The following PGBD2 variants were observed in gnomAD, a reference collection of about 807,000 sequenced individuals.
PGBD2 encodes the protein piggyBac transposable element-derived protein 2.
In PGBD2, 6 loss-of-function variants were observed where a neutral mutation model predicts 8.1. The observed-to-expected ratio is 0.74, with a 90% CI of 0.40 to 1.46. The LOEUF is 1.46. Ranked by LOEUF, PGBD2 falls within the 40% of genes most tolerant of loss-of-function variation. PGBD2 has a pLI of 0.02. For missense variants in PGBD2, 802 were observed against 739.0 expected (o/e 1.09, Z -0.99); for synonymous variants, 318 against 272.2 (o/e 1.17, Z -1.66).
rs1363217857 is a variant in PGBD2, at chr1:248,916,619, G to A, written c.35G>A (p.Arg12Lys). ...CATAACAGAGATGTCATTGCTGGGA[G>A]AGGTATCCACTCAAAGGTGAAGTCT... ...ASTSRDVIAG[R>K]GIHSKVKSAK... Residue 12 changes from arginine to lysine, a missense_variant, in exon 3 of 3, where the codon AGA (arginine) becomes AAA (lysine). Physicochemically the swap from Arg to Lys is conservative, Grantham distance 26. Transcript: ENST00000329291. 6.2e-7 allele frequency: 1 copy of A among 1,614,110 alleles called. No homozygotes were observed. Among genetic ancestry groups the A allele is most frequent in the East Asian group, 2.2e-5 (1 of 44,882 alleles).
chr1:248,921,792 G>A (rs1218429429), downstream of PGBD2, among the ~76,000 whole-genome samples: 1 of 152,134 alleles, frequency 6.6e-6, no homozygotes, highest in African/African-American at 2.4e-5. Flanking sequence ...CCATTTGTTT[G>A]TGTCCTCTCT....
intron 1 of PGBD2, among the ~76,000 whole-genome samples, chr1:248,908,478 C>T (rs1462442227): frequency 2.0e-5 from 3 of 152,194 alleles, no homozygotes; most frequent in African/African-American, 7.2e-5. Flanking sequence ...TGCCCTACCC[C>T]CTCAACCAAT....
intron 2 of PGBD2, among the ~76,000 whole-genome samples, chr1:248,915,298 C>T (rs1572278541): frequency 6.6e-6 from 1 of 152,200 alleles, no homozygotes; most frequent in African/African-American, 2.4e-5. Flanking sequence ...TCCCACTTAG[C>T]GTGGTTCAAC....
the PGBD2 span, among the ~76,000 whole-genome samples, chr1:248,874,139 GCAT>G: frequency 6.6e-6 from 1 of 152,168 alleles, no homozygotes; most frequent in Non-Finnish European, 1.5e-5. Context: ...GAAGCAGTCT[GCAT>G]ATTCCCAAAT....
At chr1:248,919,268 T>C (rs1662233517), downstream of PGBD2, 1 of 167,050 alleles carries the variant, frequency 6.0e-6, no homozygotes, top group African/African-American at 2.4e-5. Flanking sequence ...GTAACCTTCT[T>C]TCCACTCTGT....
chr1:248,898,422 G>A, the PGBD2 span, among the ~76,000 whole-genome samples: 1 of 152,174 alleles, frequency 6.6e-6, no homozygotes, highest in Non-Finnish European at 1.5e-5. Flanking sequence ...CCAAAGTGCT[G>A]GGATTACAGG....
chr1:248,924,437 A>T (rs780083268), downstream of PGBD2, among the ~76,000 whole-genome samples: 2 of 152,018 alleles, frequency 1.3e-5, no homozygotes, highest in East Asian at 1.9e-4. Flanking sequence ...ATTTTGCCAA[A>T]TTTTTTTTCA....
the PGBD2 span, among the ~76,000 whole-genome samples, chr1:248,883,153 C>T: frequency 0.035 from 5,274 of 152,240 alleles, 302 homozygotes; most frequent in African/African-American, 0.12. Context: ...GACAGAGTTT[C>T]ACTCCTGTTG....
At chr1:248,920,482 T>C (rs1203666901), downstream of PGBD2, among the ~76,000 whole-genome samples, 2 of 152,076 alleles carry the variant, frequency 1.3e-5, no homozygotes, top group Non-Finnish European at 2.9e-5. Context: ...GAACTCATCC[T>C]TTTTTTATGG....
At position 248,918,251 on chromosome 1, in the gene PGBD2, A is replaced by G; in HGVS notation, c.1667A>G (p.His556Arg). The G allele has an allele frequency of 1.2e-6, 2 of 1,613,940 alleles. No individual in the cohort carries two copies. Among genetic ancestry groups the G allele is most frequent in the Non-Finnish European group, 1.7e-6 (2 of 1,179,866 alleles). ...RFDMIGHWII[H>R]QDKRTRCALC... ...GATATGATTGGGCACTGGATTATCC[A>G]TCAGGACAAGAGGACCCGGTGTGCC... Residue 556 changes from histidine to arginine, a missense_variant, in exon 3 of 3, where the codon CAT (histidine) becomes CGT (arginine). His to Arg is a conservative substitution (Grantham distance 29, BLOSUM62 0). Transcript: ENST00000329291.
chr1:248,914,427 T>C (rs778944695), intron 2 of PGBD2: 82 of 1,253,808 alleles, frequency 6.5e-5, no homozygotes, highest in Non-Finnish European at 8.2e-5. Flanking sequence ...TCTCTTTTTC[T>C]GGCCCATGCA....
chr1:248,894,285 T>G, the PGBD2 span, among the ~76,000 whole-genome samples: 1 of 152,132 alleles, frequency 6.6e-6, no homozygotes, highest in South Asian at 2.1e-4. Context: ...GGGTTTTTTT[T>G]GTGGTTTTTT....
In PGBD2 at chr1:248,917,703, T is replaced by A. The variant is rs1418793078; in HGVS notation, c.1119T>A (p.Thr373=). 1 of 1,614,208 alleles carries A rather than the reference T, an allele frequency of 6.2e-7. No homozygotes were observed. The highest frequency in any genetic ancestry group is 1.1e-5 in the South Asian group (1 of 91,090). The change falls in exon 3 of 3, where the codon ACT becomes ACA. Residue 373 remains threonine, a synonymous_variant. Transcript: ENST00000329291. ...AAAAGGGGGTGAAAGCCACAGGAAC[T>A]GTTCGTGAGTACAGGACTGAGCGAT... ...LRKKGVKATG[T]VREYRTERCP...
the PGBD2 span, among the ~76,000 whole-genome samples, chr1:248,880,844 T>G: frequency 6.6e-6 from 1 of 152,208 alleles, no homozygotes; most frequent in Non-Finnish European, 1.5e-5. Flanking sequence ...GGGCTTGTGT[T>G]TTTATCTATA....
At chr1:248,907,847 C>T (rs1442979400) in intron 1 of PGBD2, among the ~76,000 whole-genome samples, 2 of 152,216 alleles carry the variant, frequency 1.3e-5, no homozygotes, top group East Asian at 3.8e-4. Flanking sequence ...AATGGAATTT[C>T]TTATGTCTTC....
At chr1:248,916,477 G>C (rs572383689) in intron 2 of PGBD2, 125 bp from the exon 3 acceptor site, 1 of 734,462 alleles carries the variant, frequency 1.4e-6, no homozygotes, top group Non-Finnish European at 2.2e-6. Flanking sequence ...GCGGTGCCTT[G>C]TGATGCCAGA....
At chr1:248,929,299 T>G in the PGBD2 span, among the ~76,000 whole-genome samples, 1 of 152,188 alleles carries the variant, frequency 6.6e-6, no homozygotes, top group Non-Finnish European at 1.5e-5. Flanking sequence ...TCTCTTTTCT[T>G]GCAATCCGGG....
chr1:248,913,158 C>A (rs189481976), intron 1 of PGBD2, among the ~76,000 whole-genome samples: 2 of 152,232 alleles, frequency 1.3e-5, no homozygotes, highest in South Asian at 2.1e-4. Flanking sequence ...TCCTCTCCCC[C>A]CTCACCCCAT....
Position 248,917,704 on chromosome 1 carries a change from G to A in PGBD2, c.1120G>A (p.Val374Ile), listed in dbSNP as rs148393353. Residue 374 changes from valine (V) to isoleucine (I), a missense_variant, in exon 3 of 3, where the codon GTT (valine) becomes ATT (isoleucine). Transcript: ENST00000329291. ...AAAGGGGGTGAAAGCCACAGGAACT[G>A]TTCGTGAGTACAGGACTGAGCGATG... ...RKKGVKATGT[V>I]REYRTERCPL... 1.1e-4 allele frequency: 172 copies of A among 1,614,242 alleles called. 1 individual carries two copies. In the African/African-American group the frequency reaches 2.0e-3, roughly 19 times the overall value.
Sources: gnomAD v4.1 joint callset for allele counts (sites outside exome capture counted in the v4.1 genomes callset) on GRCh38, gnomAD v4.1.1 for gene constraint, MANE v1.5 for transcripts, NCBI Gene and HGNC (gene_info 2026-07-23, HGNC 2026-07-21) for gene names.